The following SAV1 variants were observed in gnomAD, a reference collection of about 807,000 sequenced individuals.
SAV1 encodes the protein protein salvador homolog 1.
A neutral mutation model predicts 47.3 loss-of-function variants in SAV1; 23 were observed. That is an observed-to-expected ratio of 0.49 (90% CI 0.35 to 0.69). The LOEUF is 0.69. Among genes scored for constraint, SAV1 ranks in the 30% least tolerant of loss-of-function variants. The probability of loss-of-function intolerance (pLI) is 0.01; values close to 1 mark genes in which losing one functional copy is unlikely to be tolerated. For missense variants in SAV1, 448 were observed against 457.4 expected, an observed-to-expected ratio of 0.98 and a Z score of 0.19; for synonymous variants, 155 against 159.2, an observed-to-expected ratio of 0.97 and a Z score of 0.20.
intron 2 of SAV1, among the ~76,000 whole-genome samples, chr14:50,647,993 G>T (rs1213738454): frequency 6.6e-6 from 1 of 152,164 alleles, no homozygotes; most frequent in African/African-American, 2.4e-5. Context: ...CCCATTTGTG[G>T]ATATTTACAA....
intron 2 of SAV1, among the ~76,000 whole-genome samples, chr14:50,647,907 T>C (rs1421721374): frequency 6.6e-6 from 1 of 152,218 alleles, no homozygotes; most frequent in Non-Finnish European, 1.5e-5. Context: ...GTTAAACATA[T>C]GCTTTTCATA....
chr14:50,649,785 T>C (rs2039752303), intron 2 of SAV1, among the ~76,000 whole-genome samples: 1 of 152,192 alleles, frequency 6.6e-6, no homozygotes, highest in Admixed American at 6.5e-5. Flanking sequence ...AGCATTTAAA[T>C]GAAAAGTTAG....
intron 4 of SAV1, among the ~76,000 whole-genome samples, chr14:50,638,858 C>T (rs1297978740): frequency 7.2e-6 from 1 of 139,168 alleles, no homozygotes; most frequent in Admixed American, 7.1e-5. Context: ...ACCTCCGCCT[C>T]CCGGGTTCAA....
intron 4 of SAV1, among the ~76,000 whole-genome samples, chr14:50,636,856 C>T (rs2039639190): frequency 6.6e-6 from 1 of 152,114 alleles, no homozygotes; most frequent in Non-Finnish European, 1.5e-5. Flanking sequence ...GAAATTATAC[C>T]TCTCAAATCA....
Position 50,633,988 on chromosome 14 carries a change from C to A in SAV1, c.*1195G>T. Reference sequence around the variant, plus strand: ...GAGGGAAATATATGGTGTTAAAGTCCTGTGATAAATACTTAGAAAATTAAA... The same window carrying A: ...GAGGGAAATATATGGTGTTAAAGTCATGTGATAAATACTTAGAAAATTAAA... On this transcript the variant is annotated 3_prime_UTR_variant, in exon 5 of 5. Coordinates refer to ENST00000324679, the MANE Select transcript of SAV1 (RefSeq NM_021818.4). 4.3e-6 allele frequency: 1 copy of A among 231,622 alleles called. No individual in the cohort carries two copies. 14.3% of individuals were successfully genotyped at this position (231,622 alleles called of 1,614,324 possible). A position where few individuals can be genotyped will look rare whatever the true frequency, so the allele number is the denominator to read the frequency against.
intron 2 of SAV1, among the ~76,000 whole-genome samples, chr14:50,649,478 A>G (rs2039749694): frequency 6.6e-6 from 1 of 152,224 alleles, no homozygotes; most frequent in African/African-American, 2.4e-5. Flanking sequence ...ACACACATCA[A>G]TGAGACAGAA....
intron 2 of SAV1, among the ~76,000 whole-genome samples, chr14:50,660,770 C>T (rs538317078): frequency 6.6e-6 from 1 of 152,288 alleles, no homozygotes; most frequent in African/African-American, 2.4e-5. Context: ...CCTTCCCAAC[C>T]TCTGCTATCA....
intron 2 of SAV1, among the ~76,000 whole-genome samples, chr14:50,661,872 C>T (rs532044242): frequency 6.6e-6 from 1 of 152,288 alleles, no homozygotes; most frequent in East Asian, 1.9e-4. Context: ...TATGTGGTTA[C>T]TATAGCCTTA....
intron 1 of SAV1, among the ~76,000 whole-genome samples, chr14:50,666,185 A>G (rs1451355275): frequency 1.3e-5 from 2 of 152,226 alleles, no homozygotes; most frequent in Non-Finnish European, 2.9e-5. Context: ...CAGTAATCAA[A>G]AGCTAGAAAG....
At position 50,644,882 on chromosome 14, in the gene SAV1, T is replaced by C; in HGVS notation, c.668A>G (p.Asn223Ser). 1 of 1,614,130 alleles carries C rather than the reference T, an allele frequency of 6.2e-7. No homozygotes were observed. Among genetic ancestry groups the C allele is most frequent in the East Asian group, 2.2e-5 (1 of 44,868 alleles). ...GRKYYIDHNT[N>S]TTHWSHPLER... Reference sequence around the variant, plus strand: ...AAGAGGATGGCTCCAGTGAGTTGTATTTGTGTTATGATCTATATAATATTT... The same window carrying C: ...AAGAGGATGGCTCCAGTGAGTTGTACTTGTGTTATGATCTATATAATATTT... Residue 223 changes from asparagine (N) to serine (S), a missense_variant, in exon 3 of 5, where the codon AAT becomes AGT. Physicochemically the swap from Asn to Ser is conservative, Grantham distance 46. Transcript: ENST00000324679.
Position 50,665,216 on chromosome 14 carries a change from G to C in SAV1, c.498C>G (p.Phe166Leu). ...YRYYEYNHDLFQRMPQNQGRH... is the reference protein window; with the variant it reads ...YRYYEYNHDLLQRMPQNQGRH... The stretch of plus-strand genomic sequence containing the variant: ...TCCCCTGATTCTGTGGCATTCTTTG[G>C]AAGAGATCATGGTTGTATTCATAAT... The change falls in exon 2 of 5, where the codon TTC becomes TTG. Residue 166 changes from phenylalanine (F) to leucine (L), a missense_variant. Coordinates refer to ENST00000324679, the MANE Select transcript of SAV1 (RefSeq NM_021818.4). 1 of 1,593,914 alleles carries C rather than the reference G, an allele frequency of 6.3e-7. No homozygotes were observed. The highest frequency in any genetic ancestry group is 8.5e-7 in the Non-Finnish European group (1 of 1,174,550).
At chr14:50,661,542 C>T (rs2039860150) in intron 2 of SAV1, among the ~76,000 whole-genome samples, 1 of 152,278 alleles carries the variant, frequency 6.6e-6, no homozygotes, top group Middle Eastern at 3.4e-3. Flanking sequence ...AGTGTTTCCC[C>T]TACATTTTCT....
intron 3 of SAV1, among the ~76,000 whole-genome samples, chr14:50,642,318 G>A (rs149381104): frequency 3.3e-3 from 508 of 151,934 alleles, no homozygotes; most frequent in Non-Finnish European, 5.2e-3. Flanking sequence ...CAGAAACCCC[G>A]TCTCTACTAA....
At chr14:50,651,267 AAG>A (rs2140256251) in intron 2 of SAV1, among the ~76,000 whole-genome samples, 1 of 151,332 alleles carries the variant, frequency 6.6e-6, no homozygotes, top group Non-Finnish European at 1.5e-5. Flanking sequence ...ATACATATGA[AAG>A]AGAATAATAT....
Position 50,665,403 on chromosome 14 carries a change from G to A in SAV1, c.311C>T (p.Ala104Val). 6.2e-7 allele frequency: 1 copy of A among 1,612,344 alleles called. No homozygotes were observed. Among genetic ancestry groups the A allele is most frequent in the Non-Finnish European group, 8.5e-7 (1 of 1,178,960 alleles). The change falls in exon 2 of 5, where the codon GCA becomes GTA. Residue 104 changes from alanine to valine, a missense_variant. Ala to Val is a moderately conservative substitution (Grantham distance 64). Transcript: ENST00000324679. ...SAPSYLARSL[A>V]DVPREYGSSQ... is the part of the protein sequence containing the mutation. ...AGAACCATACTCTCTAGGGACATCT[G>A]CTAGACTTCTGGCAAGATAAGAAGG...
chr14:50,645,566 C>CA lies in SAV1; in HGVS notation c.536-553dup, dbSNP rs1187002076. Among the ~76,000 whole-genome samples the CA allele has an allele frequency of 4.4e-3, 663 of 150,634 alleles. 1 individual carries two copies. Among genetic ancestry groups the CA allele is most frequent in the African/African-American group, 0.016 (640 of 40,978 alleles). On this transcript the variant is annotated intron_variant, in intron 2 of 4. Coordinates refer to ENST00000324679, the MANE Select transcript of SAV1 (RefSeq NM_021818.4). ...TCTTATTATGTACATACAAATATTC[C>CA]AAAATAAAAAAAAAAATCCAAAATC...
At position 50,644,943 on chromosome 14, in the gene SAV1, G is replaced by A. The variant is rs757631264; in HGVS notation, c.607C>T (p.Pro203Ser). Residue 203 changes from proline to serine, a missense_variant, in exon 3 of 5, where the codon CCT (proline) becomes TCT (serine). By Grantham distance (74) the Pro-to-Ser change is moderately conservative. Transcript: ENST00000324679. ...NHGSEDLPLP[P>S]GWSVDWTMRG... ...ATTGTCCAGTCCACAGACCAGCCAG[G>A]AGGAAGGGGTAAATCTTCAGAACCA... is the stretch of plus-strand genomic sequence containing the variant. 63 of 1,613,836 alleles carry A rather than the reference G, an allele frequency of 3.9e-5. No individual in the cohort carries two copies. Among genetic ancestry groups the A allele is most frequent in the Non-Finnish European group, 6.8e-6 (8 of 1,179,954 alleles).
chr14:50,665,080 A>G (rs2039889366), intron 2 of SAV1, 99 bp downstream of exon 2: 2 of 1,442,556 alleles, frequency 1.4e-6, no homozygotes, highest in Admixed American at 4.9e-5. Context: ...TTTCGCTAGT[A>G]GTATTTGTTC....
At chr14:50,656,491 G>A (rs1436218544) in intron 2 of SAV1, among the ~76,000 whole-genome samples, 2 of 142,212 alleles carry the variant, frequency 1.4e-5, no homozygotes, top group Non-Finnish European at 3.0e-5. Context: ...CGCCCAGGTT[G>A]GAGTGCGGTG....
Sources: gnomAD v4.1 joint callset for allele counts (sites outside exome capture counted in the v4.1 genomes callset) on GRCh38, gnomAD v4.1.1 for gene constraint, MANE v1.5 for transcripts, NCBI Gene and HGNC (gene_info 2026-07-23, HGNC 2026-07-21) for gene names.